PCDHGA1: variants seen among roughly 807,000 people sequenced by gnomAD.
PCDHGA1 encodes the protein protocadherin gamma subfamily A, 1, also known as protocadherin gamma-A1.
PCDHGA1 carries 32 observed loss-of-function variants against 58.0 expected under a neutral mutation model. The ratio of observed to expected loss-of-function variants is 0.55; its 90% CI spans 0.42 to 0.74. The LOEUF is 0.74. Ranked by LOEUF, PCDHGA1 falls within the 30% of genes least tolerant of loss-of-function variation. PCDHGA1 has a pLI of 0.00. For missense variants in PCDHGA1, 1,205 were observed against 1,182.3 expected, an observed-to-expected ratio of 1.02 and a Z score of -0.28; for synonymous variants, 498 against 501.1, an observed-to-expected ratio of 0.99 and a Z score of 0.08.
intron 1 of PCDHGA1, among the ~76,000 whole-genome samples, chr5:141,442,736 A>C (rs2098340663): frequency 6.6e-6 from 1 of 152,226 alleles, no homozygotes; most frequent in African/African-American, 2.4e-5. Flanking sequence ...CCTGTAGGTA[A>C]GGAGCATGTT....
At position 141,490,516 on chromosome 5, in the gene PCDHGA1, G is replaced by T. The variant is rs768123119; in HGVS notation, c.2422-4291G>T. The T allele has an allele frequency of 6.2e-7, 1 of 1,613,828 alleles. No individual in the cohort carries two copies. The highest frequency in any genetic ancestry group is 2.2e-5 in the East Asian group (1 of 44,864). On this transcript the variant is annotated intron_variant, in intron 1 of 3. Transcript: ENST00000517417. This position sits in a 1 kb window ranked among gnomAD's most constrained non-coding sequence, Gnocchi z 5.4. ...ATCCCACTATATCATCGAGCTGCTG[G>T]CCAGCGATGCTGGTTCACCTTCCCT... is the stretch of plus-strand genomic sequence containing the variant.
At chr5:141,418,944 C>T in intron 1 of PCDHGA1, 1 of 1,614,026 alleles carries the variant, frequency 6.2e-7, no homozygotes, top group Non-Finnish European at 8.5e-7. Context: ...GATTCCCCTC[C>T]AGGAGTGGTT....
chr5:141,490,363 C>A lies in PCDHGA1; in HGVS notation c.2422-4444C>A. The A allele has an allele frequency of 6.2e-7, 1 of 1,614,154 alleles. No individual in the cohort carries two copies. Among genetic ancestry groups the A allele is most frequent in the South Asian group, 1.1e-5 (1 of 91,078 alleles). On this transcript the variant is annotated intron_variant, in intron 1 of 3. Coordinates refer to ENST00000517417, the MANE Select transcript of PCDHGA1 (RefSeq NM_018912.3). The surrounding 1 kb of genome is among the most constrained non-coding windows in gnomAD (Gnocchi z 5.4). Reference sequence around the variant, plus strand: ...CACAGTAGTGGGGTTGTTTAATGTGCGAGACCGGGACTCAGGTAGAAATGG... The same window carrying A: ...CACAGTAGTGGGGTTGTTTAATGTGAGAGACCGGGACTCAGGTAGAAATGG...
At chr5:141,399,736 G>A (rs771689220) in intron 1 of PCDHGA1, 4 of 1,613,306 alleles carry the variant, frequency 2.5e-6, no homozygotes, top group Non-Finnish European at 3.4e-6. Flanking sequence ...GGGCTCGCCT[G>A]CGCTCAGCGC....
In PCDHGA1 at chr5:141,344,822, G is replaced by A. The variant is rs752360843; in HGVS notation, c.2421+11717G>A. The A allele has an allele frequency of 9.9e-6, 16 of 1,613,830 alleles. No individual in the cohort carries two copies. In the Admixed American group the frequency reaches 1.5e-4, roughly 15 times the overall value. ...TGCCTGTGGGTACCCGGCTGCTCAC[G>A]GTGAATGCCACTGACCCTGACGAGG... On this transcript the variant is annotated intron_variant, in intron 1 of 3. Transcript: ENST00000517417.
rs1368451336 is a variant in PCDHGA1 at position 141,505,377 on chromosome 5, C to T, written c.2481-16C>T. ...CGGCCTGGGAGTCTGTGCTCACCAT[C>T]CTACTCTCTCCCCAGCTCCCAAAAT... On this transcript the variant is annotated splice_polypyrimidine_tract_variant and intron_variant, in intron 2 of 3. Transcript: ENST00000517417. The T allele has an allele frequency of 6.2e-7, 1 of 1,614,036 alleles. No individual in the cohort carries two copies. Among genetic ancestry groups the T allele is most frequent in the Non-Finnish European group, 8.5e-7 (1 of 1,179,954 alleles).
intron 1 of PCDHGA1, chr5:141,372,747 G>T (rs749618566): frequency 1.6e-5 from 26 of 1,613,300 alleles, no homozygotes; most frequent in Admixed American, 1.7e-5. Context: ...ATGTGATGAA[G>T]CCTCTTGGTT....
chr5:141,405,233 G>A (rs746061797), intron 1 of PCDHGA1: 10 of 1,613,914 alleles, frequency 6.2e-6, no homozygotes, highest in East Asian at 2.2e-5. Flanking sequence ...CTCCCTCACC[G>A]CTGACTCAAG....
intron 1 of PCDHGA1, chr5:141,396,465 C>T (rs1471669939): frequency 6.6e-6 from 1 of 152,072 alleles, no homozygotes; most frequent in African/African-American, 2.4e-5. Flanking sequence ...CTAAAAACTA[C>T]AAAAATTAGC....
chr5:141,463,938 T>A (rs1378018670), intron 1 of PCDHGA1, among the ~76,000 whole-genome samples: 3 of 152,168 alleles, frequency 2.0e-5, no homozygotes, highest in Non-Finnish European at 4.4e-5. Context: ...TATAAATTTA[T>A]AGAAATCTTC....
At chr5:141,394,109 G>A (rs764779834) in intron 1 of PCDHGA1, 3 of 1,613,898 alleles carry the variant, frequency 1.9e-6, no homozygotes, top group East Asian at 4.5e-5. Flanking sequence ...CACCACCTCT[G>A]TCCACTGAAA....
At chr5:141,370,613 A>G (rs753080361) in intron 1 of PCDHGA1, 6 of 1,613,908 alleles carry the variant, frequency 3.7e-6, no homozygotes, top group Non-Finnish European at 5.1e-6. Context: ...CAGAGAAGAA[A>G]TTCTTTACCG....
intron 1 of PCDHGA1, chr5:141,352,175 C>T (rs1404224262): frequency 6.2e-7 from 1 of 1,613,662 alleles, no homozygotes; most frequent in South Asian, 1.1e-5. Context: ...CCAGCGCCTG[C>T]TGGTCGCTGT....
rs773014837 is a variant in PCDHGA1 at position 141,374,968 on chromosome 5, T to G, written c.2421+41863T>G. 114 of 1,614,056 alleles carry G rather than the reference T, an allele frequency of 7.1e-5. No individual in the cohort carries two copies. The highest frequency in any genetic ancestry group is 3.3e-4 in the Middle Eastern group (2 of 6,062). On this transcript the variant is annotated intron_variant, in intron 1 of 3. Transcript: ENST00000517417. ...AGATCTCACAAATTTTCTGTTTGAA[T>G]GTTTTGACTGGAGAAATTTCAACTT... is the stretch of plus-strand genomic sequence containing the variant.
chr5:141,383,073 G>A, intron 1 of PCDHGA1: 1 of 1,613,920 alleles, frequency 6.2e-7, no homozygotes. Context: ...AGCCCCGGGA[G>A]CTGGCGGAGC....
At chr5:141,389,552 T>C (rs752525339) in intron 1 of PCDHGA1, 14 of 1,613,104 alleles carry the variant, frequency 8.7e-6, no homozygotes, top group East Asian at 6.7e-5. Context: ...GCAACGACAA[T>C]GCGCCACGGG....
Position 141,431,010 on chromosome 5 carries a change from T to G in PCDHGA1, c.2422-63797T>G. 2 of 1,613,972 alleles carry G rather than the reference T, an allele frequency of 1.2e-6. No individual in the cohort carries two copies. The highest frequency in any genetic ancestry group is 1.7e-6 in the Non-Finnish European group (2 of 1,179,964). The stretch of plus-strand genomic sequence containing the variant: ...GCCCTGAATCCGCGCAGCGGCAGCT[T>G]GGTCACGGCGGGCAGGATAGACCGG... On this transcript the variant is annotated intron_variant, in intron 1 of 3. Transcript: ENST00000517417. The surrounding 1 kb of genome is among the most constrained non-coding windows in gnomAD (Gnocchi z 4.8).
chr5:141,437,762 A>G (rs1286042187), intron 1 of PCDHGA1, among the ~76,000 whole-genome samples: 1 of 149,476 alleles, frequency 6.7e-6, no homozygotes, highest in African/African-American at 2.5e-5. Context: ...TTTTTGAGAC[A>G]GAGTCTCAAT....
chr5:141,374,991 C>A, intron 1 of PCDHGA1: 1 of 1,614,036 alleles, frequency 6.2e-7, no homozygotes, highest in Non-Finnish European at 8.5e-7. Flanking sequence ...GAAATTTCAA[C>A]TTCTGCAAAT....
Sources: allele counts gnomAD v4.1 joint callset (sites outside exome capture counted in the v4.1 genomes callset), GRCh38; gene constraint gnomAD v4.1.1; non-coding constraint Gnocchi (gnomAD v3.1); transcripts MANE v1.5; gene names NCBI Gene and HGNC (gene_info 2026-07-23, HGNC 2026-07-21).